PPP1R12A: variants seen among roughly 807,000 people sequenced by gnomAD.
PPP1R12A encodes protein phosphatase 1 regulatory subunit 12A, also known as myosin binding subunit.
Under a neutral mutation model 139.6 loss-of-function variants are expected in PPP1R12A, and 19 were observed. The observed-to-expected ratio is 0.14, with a 90% CI of 0.09 to 0.20. The LOEUF is 0.20. Among genes scored for constraint, PPP1R12A ranks in the 10% least tolerant of loss-of-function variants. The probability of loss-of-function intolerance (pLI) is 1.00; values close to 1 mark genes in which losing one functional copy is unlikely to be tolerated. For synonymous variants in PPP1R12A, 427 were observed against 420.6 expected, an observed-to-expected ratio of 1.02 and a Z score of -0.19; for missense variants, 925 against 1,211.5, an observed-to-expected ratio of 0.76 and a Z score of 3.51.
At chr12:79,850,138 T>A (rs1285860382) in intron 2 of PPP1R12A, among the ~76,000 whole-genome samples, 1 of 152,084 alleles carries the variant, frequency 6.6e-6, no homozygotes, top group African/African-American at 2.4e-5. Flanking sequence ...ATTGTAGAAA[T>A]GAAAAATGGT....
intron 23 of PPP1R12A, chr12:79,780,827 C>T (rs956389495): frequency 9.9e-5 from 15 of 152,056 alleles, no homozygotes; most frequent in African/African-American, 3.6e-4. Context: ...ATTTTTAAAA[C>T]TTGCAGAAAG....
intron 1 of PPP1R12A, among the ~76,000 whole-genome samples, chr12:79,898,404 C>T (rs1458790899): frequency 1.3e-5 from 2 of 152,068 alleles, no homozygotes; most frequent in African/African-American, 4.8e-5. Flanking sequence ...TGCAGTGAGC[C>T]GAGATGGTGC....
intron 23 of PPP1R12A, chr12:79,780,354 TAG>T (rs1565734407): frequency 6.6e-6 from 1 of 152,140 alleles, no homozygotes; most frequent in African/African-American, 2.4e-5. Context: ...ACCATGATTA[TAG>T]AGAGTGGATT....
rs113323456 is a variant in PPP1R12A, at chr12:79,829,067, T to TA, written c.648-604dup. On this transcript the variant is annotated intron_variant, in intron 4 of 24. Transcript: ENST00000450142. Reference sequence around the variant, plus strand: ...ATTTTTCTGAGCAGTAGAAAGCAGATACTCCAGTCATCAACAAGCTAAAAC... The same window carrying TA: ...ATTTTTCTGAGCAGTAGAAAGCAGATAACTCCAGTCATCAACAAGCTAAAAC... Among the ~76,000 whole-genome samples the TA allele has an allele frequency of 9.1e-3, 1,383 of 152,242 alleles. 20 individuals carry two copies. The highest frequency in any genetic ancestry group is 0.031 in the African/African-American group (1,277 of 41,560).
chr12:79,799,139 C>T (rs940162572), intron 14 of PPP1R12A, among the ~76,000 whole-genome samples: 21 of 151,864 alleles, frequency 1.4e-4, no homozygotes, highest in African/African-American at 5.1e-4. Flanking sequence ...CTTTCTAAAT[C>T]TTTTTTTTGT....
intron 11 of PPP1R12A, 66 bp from the exon 12 acceptor site, chr12:79,807,396 C>G (rs1873962063): frequency 4.1e-6 from 4 of 978,192 alleles, no homozygotes; most frequent in Non-Finnish European, 4.7e-6. Flanking sequence ...AAGCGGTACA[C>G]TAGTAAATAT....
chr12:79,857,739 T>C (rs1314649759), intron 2 of PPP1R12A, among the ~76,000 whole-genome samples: 1 of 152,186 alleles, frequency 6.6e-6, no homozygotes, highest in Non-Finnish European at 1.5e-5. Context: ...TGACTTCACA[T>C]GTATCTATCT....
chr12:79,820,871 T>G lies in PPP1R12A; in HGVS notation c.1017A>C (p.Gln339His). 1 of 1,613,676 alleles carries G rather than the reference T, an allele frequency of 6.2e-7. No homozygotes were observed. The change falls in exon 8 of 25, where the codon CAA (glutamine) becomes CAC (histidine). Residue 339 changes from glutamine to histidine, a missense_variant. Coordinates refer to ENST00000450142, the MANE Select transcript of PPP1R12A (RefSeq NM_002480.3). ...CTTCTTCTTCTTCATCAACCTTTTC[T>G]TGTTCCAGAGATTCAATACGGGATG... ...KNASRIESLE[Q>H]EKVDEEEEGK...
intron 1 of PPP1R12A, among the ~76,000 whole-genome samples, chr12:79,925,943 T>C (rs558089799): frequency 2.0e-5 from 3 of 152,344 alleles, no homozygotes; most frequent in African/African-American, 2.4e-5. Flanking sequence ...TTTCTCTTTA[T>C]TGGTAGAGAC....
intron 3 of PPP1R12A, 21 bp from the exon 4 acceptor site, chr12:79,832,512 C>T (rs757213949): frequency 1.3e-6 from 2 of 1,553,822 alleles, no homozygotes; most frequent in Non-Finnish European, 1.7e-6. Context: ...AAAAATAGTT[C>T]TTTTTATTTT....
chr12:79,890,891 CCACCCACACCCACCCACACACA>C (rs1884534259), intron 1 of PPP1R12A, among the ~76,000 whole-genome samples: 1 of 99,600 alleles, frequency 1.0e-5, no homozygotes, highest in African/African-American at 4.1e-5. Flanking sequence ...CACACACCAC[CCACCCACACCCACCCACACACA>C]CACACACACA....
At position 79,892,713 on chromosome 12, in the gene PPP1R12A, G is replaced by C. The variant is rs147234133; in HGVS notation, c.238-19775C>G. Among the ~76,000 whole-genome samples, 286 of 152,152 alleles carry C rather than the reference G, an allele frequency of 1.9e-3. 5 individuals carry two copies. The East Asian group carries it at 0.046, about 25-fold the overall frequency. ...AATCTGCCTCCTGAAACAACTGTCA[G>C]TATGGAGCCCTTCTGAGAGTAAAGT... On this transcript the variant is annotated intron_variant, in intron 1 of 24. Coordinates refer to ENST00000450142, the MANE Select transcript of PPP1R12A (RefSeq NM_002480.3).
intron 20 of PPP1R12A, among the ~76,000 whole-genome samples, chr12:79,789,879 A>C (rs1871601819): frequency 6.6e-6 from 1 of 151,938 alleles, no homozygotes; most frequent in African/African-American, 2.4e-5. Context: ...CTGGGAGCTC[A>C]AGTGATCCTT....
chr12:79,935,128 CT>C, upstream of PPP1R12A: 1 of 1,368,750 alleles, frequency 7.3e-7, no homozygotes, highest in Non-Finnish European at 9.4e-7. Context: ...GCGGACCTCC[CT>C]TCCTACCACA....
At chr12:79,935,242 G>A, upstream of PPP1R12A, 6 of 1,182,466 alleles carry the variant, frequency 5.1e-6, no homozygotes, top group Non-Finnish European at 6.3e-6. Flanking sequence ...GTGCGCATGC[G>A]CCCTGGGCCT....
At chr12:79,860,137 C>T (rs1016073742) in intron 2 of PPP1R12A, among the ~76,000 whole-genome samples, 3 of 152,112 alleles carry the variant, frequency 2.0e-5, no homozygotes, top group African/African-American at 7.2e-5. Flanking sequence ...AAAAGCATGC[C>T]TTAAGTATTT....
chr12:79,848,188 A>C (rs950878947), intron 2 of PPP1R12A, among the ~76,000 whole-genome samples: 2 of 152,138 alleles, frequency 1.3e-5, no homozygotes, highest in Admixed American at 1.3e-4. Context: ...ACTTGAGGTA[A>C]TTTTTCCTGT....
At chr12:79,792,611 C>T (rs757937638) in intron 19 of PPP1R12A, among the ~76,000 whole-genome samples, 1 of 152,096 alleles carries the variant, frequency 6.6e-6, no homozygotes, top group Non-Finnish European at 1.5e-5. Context: ...TAACGTATCT[C>T]ATATGATTTT....
At chr12:79,853,982 A>G (rs1204175311) in intron 2 of PPP1R12A, among the ~76,000 whole-genome samples, 1 of 152,126 alleles carries the variant, frequency 6.6e-6, no homozygotes, top group African/African-American at 2.4e-5. Context: ...AGCTATTCAT[A>G]TTGTTTTCAC....
Sources: allele counts gnomAD v4.1 joint callset (sites outside exome capture counted in the v4.1 genomes callset), GRCh38; gene constraint gnomAD v4.1.1; transcripts MANE v1.5; gene names NCBI Gene and HGNC (gene_info 2026-07-23, HGNC 2026-07-21).